Variants in HYCC1 observed in about 807,000 individuals in gnomAD.
The protein encoded by HYCC1 is hyccin.
the HYCC1 span, among the ~76,000 whole-genome samples, chr7:22,952,195 G>C: frequency 1.1e-4 from 17 of 151,812 alleles, no homozygotes; most frequent in Non-Finnish European, 1.9e-4. Flanking sequence ...TCGGAACCAA[G>C]TAAACAAGAT....
the HYCC1 span, chr7:22,943,255 G>T: frequency 6.6e-6 from 1 of 152,082 alleles, no homozygotes; most frequent in East Asian, 1.9e-4. Context: ...AACCAATGAA[G>T]ATTATAATGA....
chr7:22,987,302 AT>A, the HYCC1 span, among the ~76,000 whole-genome samples: 1 of 152,184 alleles, frequency 6.6e-6, no homozygotes, highest in Non-Finnish European at 1.5e-5. Context: ...ATCCCAACAC[AT>A]TTGGGAGGCC....
the HYCC1 span, among the ~76,000 whole-genome samples, chr7:22,971,654 C>T: frequency 8.7e-6 from 1 of 114,770 alleles, no homozygotes; most frequent in Non-Finnish European, 1.7e-5. Flanking sequence ...CCAGCCTGGG[C>T]AACAGAGCAA....
At chr7:22,961,662 G>T in the HYCC1 span, among the ~76,000 whole-genome samples, 3 of 152,088 alleles carry the variant, frequency 2.0e-5, no homozygotes, top group Admixed American at 2.0e-4. Flanking sequence ...AAAATGTTCA[G>T]AACACTTTAT....
the HYCC1 span, among the ~76,000 whole-genome samples, chr7:22,925,891 A>G: frequency 6.6e-6 from 1 of 152,216 alleles, no homozygotes; most frequent in Admixed American, 6.5e-5. Flanking sequence ...CAGATTCACC[A>G]AAGTTGAAAT....
the HYCC1 span, among the ~76,000 whole-genome samples, chr7:22,904,395 C>T: frequency 2.0e-5 from 3 of 148,894 alleles, no homozygotes; most frequent in African/African-American, 7.4e-5. Flanking sequence ...CGTGCCACTG[C>T]ACTCCAGCCT....
chr7:23,006,962 C>T, the HYCC1 span, among the ~76,000 whole-genome samples: 1 of 152,168 alleles, frequency 6.6e-6, no homozygotes, highest in South Asian at 2.1e-4. Context: ...TTACAAGGTA[C>T]AAACAAGATT....
the HYCC1 span, among the ~76,000 whole-genome samples, chr7:22,926,304 A>C: frequency 1.3e-4 from 20 of 152,262 alleles, no homozygotes; most frequent in South Asian, 2.7e-3. Context: ...CTAACATCAT[A>C]ATGACAGGAT....
chr7:22,945,697 G>T, the HYCC1 span: 2 of 1,613,664 alleles, frequency 1.2e-6, no homozygotes, highest in African/African-American at 2.7e-5. Flanking sequence ...TTTCTTCTTG[G>T]AGACTACAAG....
chr7:22,965,638 G>A, the HYCC1 span, among the ~76,000 whole-genome samples: 1,319 of 150,718 alleles, frequency 8.8e-3, 13 homozygotes, highest in South Asian at 0.018. Flanking sequence ...ATTATTATTA[G>A]TTTTTTAAAG....
At chr7:23,007,939 C>T in the HYCC1 span, among the ~76,000 whole-genome samples, 2 of 151,976 alleles carry the variant, frequency 1.3e-5, no homozygotes, top group Non-Finnish European at 2.9e-5. Flanking sequence ...CCTTAACATA[C>T]CATAAATAAA....
the HYCC1 span, among the ~76,000 whole-genome samples, chr7:22,997,475 G>A: frequency 5.9e-5 from 9 of 152,262 alleles, no homozygotes; most frequent in South Asian, 1.4e-3. Flanking sequence ...CCTATGCAAT[G>A]AGGCCATTGC....
chr7:22,931,990 T>C, the HYCC1 span, among the ~76,000 whole-genome samples: 2 of 152,142 alleles, frequency 1.3e-5, no homozygotes, highest in East Asian at 3.8e-4. Context: ...GGAACCAGCA[T>C]TTGCTGCCTG....
At chr7:22,935,086 C>T in the HYCC1 span, 16 of 152,166 alleles carry the variant, frequency 1.1e-4, no homozygotes, top group Admixed American at 5.2e-4. Flanking sequence ...TTCTGCACAC[C>T]TTCTCTCTGG....
At chr7:22,900,741 A>G in the HYCC1 span, among the ~76,000 whole-genome samples, 1 of 152,224 alleles carries the variant, frequency 6.6e-6, no homozygotes, top group Non-Finnish European at 1.5e-5. Flanking sequence ...AGATGATGAA[A>G]TGATAGACCT....
At chr7:22,945,945 G>A in the HYCC1 span, 1 of 1,613,638 alleles carries the variant, frequency 6.2e-7, no homozygotes, top group African/African-American at 1.3e-5. Flanking sequence ...CGAGCAAAGT[G>A]ATCTTTGCAA....
At chr7:22,930,356 AAAAG>A in the HYCC1 span, among the ~76,000 whole-genome samples, 1 of 151,234 alleles carries the variant, frequency 6.6e-6, no homozygotes, top group Non-Finnish European at 1.5e-5. Flanking sequence ...TTAAAAAAAA[AAAAG>A]AATTAGAAAC....
chr7:22,929,171 A>G, the HYCC1 span, among the ~76,000 whole-genome samples: 1 of 152,156 alleles, frequency 6.6e-6, no homozygotes, highest in Admixed American at 6.5e-5. Flanking sequence ...CCTTCCTTAC[A>G]CCTTATACAA....
chr7:22,989,285 AACACACACACACACACAC>A, the HYCC1 span, among the ~76,000 whole-genome samples: 235 of 148,516 alleles, frequency 1.6e-3, no homozygotes, highest in African/African-American at 4.8e-3. Context: ...ACAAGCAGGA[AACACACACACACACACAC>A]ACACACACAC....
Sources: gnomAD v4.1 joint callset for allele counts (sites outside exome capture counted in the v4.1 genomes callset) on GRCh38, gnomAD v4.1.1 for gene constraint, MANE v1.5 for transcripts, NCBI Gene and HGNC (gene_info 2026-07-23, HGNC 2026-07-21) for gene names.